The following CFAP300 variants were observed in gnomAD, a reference collection of about 807,000 sequenced individuals.
The protein encoded by CFAP300 is cilia- and flagella-associated protein 300.
Under a neutral mutation model 33.0 loss-of-function variants are expected in CFAP300, and 32 were observed. The observed-to-expected ratio is 0.97, with a 90% CI of 0.73 to 1.30. The LOEUF (loss-of-function observed/expected upper bound fraction) is 1.30, where lower values mean the gene tolerates loss of function less well. Among genes scored for constraint, CFAP300 ranks in the 50% most tolerant of loss-of-function variants. The pLI, the probability that CFAP300 is intolerant of heterozygous loss-of-function variation, is 0.00. For missense variants in CFAP300, 356 were observed against 318.1 expected (o/e 1.12, Z -0.90); for synonymous variants, 102 against 106.8 (o/e 0.95, Z 0.28).
chr11:102,081,417 T>A, intron 6 of CFAP300, 136 bp downstream of exon 6: 1 of 746,966 alleles, frequency 1.3e-6, no homozygotes, highest in Non-Finnish European at 2.2e-6. Context: ...TTGTTAAAAT[T>A]AAAAGTTGAT....
intron 2 of CFAP300, among the ~76,000 whole-genome samples, chr11:102,056,199 T>G (rs1942054321): frequency 6.6e-6 from 1 of 152,178 alleles, no homozygotes; most frequent in Non-Finnish European, 1.5e-5. Flanking sequence ...GGACTATGTT[T>G]TATTCAACTG....
At chr11:102,049,520 C>T (rs943751091) in intron 2 of CFAP300, among the ~76,000 whole-genome samples, 1 of 152,036 alleles carries the variant, frequency 6.6e-6, no homozygotes, top group Admixed American at 6.6e-5. Context: ...TAAATGTCTA[C>T]CTCCCTTTCC....
chr11:102,058,608 A>T (rs1442163926), intron 2 of CFAP300, among the ~76,000 whole-genome samples: 1 of 150,692 alleles, frequency 6.6e-6, no homozygotes, highest in Non-Finnish European at 1.5e-5. Flanking sequence ...AAGTTTTCAA[A>T]TATTATATAA....
In CFAP300 at chr11:102,047,828, A is replaced by G; in HGVS notation, c.124A>G (p.Arg42Gly). 6.2e-7 allele frequency: 1 copy of G among 1,614,162 alleles called. No homozygotes were observed. Among genetic ancestry groups the G allele is most frequent in the Non-Finnish European group, 8.5e-7 (1 of 1,180,016 alleles). ...CCTCTGCCCCAGGTCCATGCTGGGC[A>G]GAATCAAGGCGCAGGCGTTCGGCTT... ...SRLRQWSMLG[R>G]IKAQAFGFDQ... The change falls in exon 2 of 7, where the codon AGA (arginine) becomes GGA (glycine). Residue 42 changes from arginine to glycine, a missense_variant. By Grantham distance (125) the Arg-to-Gly change is moderately radical. Coordinates refer to ENST00000434758, the MANE Select transcript of CFAP300 (RefSeq NM_032930.3).
intron 5 of CFAP300, among the ~76,000 whole-genome samples, chr11:102,078,853 C>T (rs770969354): frequency 1.9e-4 from 29 of 152,064 alleles, no homozygotes; most frequent in Non-Finnish European, 3.1e-4. Flanking sequence ...GGACTACAGG[C>T]GCATGCCACC....
Position 102,054,308 on chromosome 11 carries a change from T to C in CFAP300, c.193-4572T>C, listed in dbSNP as rs148569341. On this transcript the variant is annotated intron_variant, in intron 2 of 6. Coordinates refer to ENST00000434758, the MANE Select transcript of CFAP300 (RefSeq NM_032930.3). The stretch of plus-strand genomic sequence containing the variant: ...TTTTGTAGTATACATGGCATGTTAC[T>C]ATCTCCTCTCTTACTATCTGCCTGC... Among the ~76,000 whole-genome samples the C allele has an allele frequency of 5.8e-3, 891 of 152,380 alleles. 7 individuals carry two copies. The highest frequency in any genetic ancestry group is 0.014 in the Middle Eastern group (4 of 294).
chr11:102,082,523 A>T (rs536800446), intron 6 of CFAP300, among the ~76,000 whole-genome samples: 1 of 152,210 alleles, frequency 6.6e-6, no homozygotes, highest in African/African-American at 2.4e-5. Flanking sequence ...GACAAAAATT[A>T]TGCATGTAAG....
intron 3 of CFAP300, among the ~76,000 whole-genome samples, chr11:102,065,970 A>C (rs992432477): frequency 3.7e-5 from 5 of 133,490 alleles, no homozygotes; most frequent in Non-Finnish European, 7.7e-5. Flanking sequence ...TTTGTTATAA[A>C]CTTTTTTTTT....
chr11:102,072,711 T>G (rs1197595424), intron 4 of CFAP300, among the ~76,000 whole-genome samples: 1 of 152,220 alleles, frequency 6.6e-6, no homozygotes, highest in Non-Finnish European at 1.5e-5. Context: ...TTCTTCCTTT[T>G]TCATATTTCT....
chr11:102,051,386 C>G (rs1941968124), intron 2 of CFAP300, among the ~76,000 whole-genome samples: 1 of 152,262 alleles, frequency 6.6e-6, no homozygotes, highest in East Asian at 1.9e-4. Context: ...TTCCTGGAAG[C>G]CTGCGCAACG....
chr11:102,058,780 T>C (rs901827034), intron 2 of CFAP300, 100 bp from the exon 3 acceptor site: 2 of 701,500 alleles, frequency 2.9e-6, no homozygotes, highest in African/African-American at 3.7e-5. Flanking sequence ...AAAATTGTCC[T>C]TTCTATTTGA....
intron 2 of CFAP300, among the ~76,000 whole-genome samples, chr11:102,055,673 T>TA (rs1206534992): frequency 7.4e-6 from 1 of 134,694 alleles, no homozygotes; most frequent in African/African-American, 2.7e-5. Context: ...AAACTACCCT[T>TA]TTTTTTTTTT....
intron 5 of CFAP300, 114 bp downstream of exon 5, chr11:102,076,159 A>C: frequency 7.3e-6 from 9 of 1,228,592 alleles, no homozygotes; most frequent in Non-Finnish European, 9.7e-6. Flanking sequence ...ACCAAAGCAT[A>C]TAAAAAGCTC....
intron 3 of CFAP300, among the ~76,000 whole-genome samples, chr11:102,064,698 C>T (rs934437023): frequency 1.3e-5 from 2 of 152,164 alleles, no homozygotes; most frequent in African/African-American, 2.4e-5. Flanking sequence ...CGAGGGCCAC[C>T]ACACCTAGGT....
At chr11:102,064,813 G>A (rs945322797) in intron 3 of CFAP300, among the ~76,000 whole-genome samples, 2 of 152,082 alleles carry the variant, frequency 1.3e-5, no homozygotes, top group African/African-American at 2.4e-5. Context: ...ATCGATGGAG[G>A]TAATAATAAA....
chr11:102,069,999 G>C (rs1013867989), intron 4 of CFAP300, among the ~76,000 whole-genome samples: 1 of 152,084 alleles, frequency 6.6e-6, no homozygotes, highest in African/African-American at 2.4e-5. Flanking sequence ...AGCCTAATCA[G>C]TTCAATATAT....
chr11:102,066,935 CAA>C (rs2135034783), intron 4 of CFAP300, among the ~76,000 whole-genome samples: 1 of 152,318 alleles, frequency 6.6e-6, no homozygotes, highest in East Asian at 1.9e-4. Context: ...ACAGTCACAA[CAA>C]AGTTATCTGG....
chr11:102,069,695 A>G (rs1942281136), intron 4 of CFAP300, among the ~76,000 whole-genome samples: 1 of 151,918 alleles, frequency 6.6e-6, no homozygotes, highest in Non-Finnish European at 1.5e-5. Flanking sequence ...CCCAGCTACT[A>G]GGGAGGCTGA....
chr11:102,068,945 A>T (rs966856792), intron 4 of CFAP300, among the ~76,000 whole-genome samples: 1 of 152,106 alleles, frequency 6.6e-6, no homozygotes, highest in African/African-American at 2.4e-5. Flanking sequence ...CTTCTCTCTC[A>T]CACTTCTTCT....
Sources: allele counts gnomAD v4.1 joint callset (sites outside exome capture counted in the v4.1 genomes callset), GRCh38; gene constraint gnomAD v4.1.1; transcripts MANE v1.5; gene names NCBI Gene and HGNC (gene_info 2026-07-23, HGNC 2026-07-21).